The following UGT2A3 variants were observed in gnomAD, a reference collection of about 807,000 sequenced individuals.
UGT2A3 encodes the protein UDP-glucuronosyltransferase 2A3.
Under a neutral mutation model 44.1 loss-of-function variants are expected in UGT2A3, and 55 were observed. The ratio of observed to expected loss-of-function variants is 1.25; its 90% CI spans 1.00 to 1.56. UGT2A3 has a LOEUF of 1.56. Ranked by LOEUF, UGT2A3 falls within the 40% of genes most tolerant of loss-of-function variation. UGT2A3 has a pLI of 0.00. For synonymous variants in UGT2A3, 243 were observed against 215.1 expected (o/e 1.13, Z -1.13); for missense variants, 733 against 621.6 (o/e 1.18, Z -1.91).
chr4:68,949,931 T>A (rs1248387232), intron 1 of UGT2A3, among the ~76,000 whole-genome samples: 1 of 151,944 alleles, frequency 6.6e-6, no homozygotes, highest in East Asian at 1.9e-4. Flanking sequence ...GGGGAATTTC[T>A]GAATGCATGG....
intron 2 of UGT2A3, among the ~76,000 whole-genome samples, chr4:68,942,985 A>G (rs1389513203): frequency 6.6e-6 from 1 of 151,846 alleles, no homozygotes; most frequent in Non-Finnish European, 1.5e-5. Flanking sequence ...CACAACATTT[A>G]AATGTATTGT....
At chr4:68,934,518 C>T (rs946832510) in intron 2 of UGT2A3, among the ~76,000 whole-genome samples, 4 of 151,756 alleles carry the variant, frequency 2.6e-5, no homozygotes, top group African/African-American at 9.7e-5. Flanking sequence ...AGCAAGGTAA[C>T]TGAAAACATA....
At chr4:68,930,398 A>G (rs1717685011) in intron 5 of UGT2A3, 148 bp downstream of exon 5, 6 of 844,518 alleles carry the variant, frequency 7.1e-6, no homozygotes, top group Non-Finnish European at 1.1e-5. Context: ...TACAATTTCC[A>G]CAACTATTCC....
intron 2 of UGT2A3, among the ~76,000 whole-genome samples, chr4:68,935,582 G>A (rs1437121758): frequency 1.3e-5 from 2 of 151,912 alleles, no homozygotes; most frequent in Admixed American, 6.6e-5. Flanking sequence ...ACCAAAGGTA[G>A]ATAAAACCAC....
intron 2 of UGT2A3, among the ~76,000 whole-genome samples, chr4:68,941,709 C>T (rs1001978831): frequency 6.6e-6 from 1 of 151,724 alleles, no homozygotes; most frequent in Non-Finnish European, 1.5e-5. Context: ...CAATTCACAA[C>T]ATGAAAAATA....
chr4:68,935,449 C>A (rs1310649604), intron 2 of UGT2A3, among the ~76,000 whole-genome samples: 3 of 151,516 alleles, frequency 2.0e-5, no homozygotes, highest in Non-Finnish European at 4.4e-5. Flanking sequence ...CAAACTCCAA[C>A]AGACCTGAAG....
intron 2 of UGT2A3, among the ~76,000 whole-genome samples, chr4:68,944,870 T>C (rs928206686): frequency 2.6e-5 from 4 of 151,718 alleles, no homozygotes; most frequent in Non-Finnish European, 5.9e-5. Flanking sequence ...TTGTCTTCCT[T>C]CATCACTTAT....
At chr4:68,935,791 T>A (rs1039369627) in intron 2 of UGT2A3, among the ~76,000 whole-genome samples, 12 of 151,872 alleles carry the variant, frequency 7.9e-5, no homozygotes, top group Non-Finnish European at 1.6e-4. Context: ...TTCTAACCCA[T>A]CGCAAGGAAG....
chr4:68,933,357 A>G (rs1717811584), intron 2 of UGT2A3, among the ~76,000 whole-genome samples: 1 of 152,070 alleles, frequency 6.6e-6, no homozygotes, highest in Non-Finnish European at 1.5e-5. Flanking sequence ...GCAATTACAC[A>G]GGTGGAAGAA....
rs1284592485 is a variant in UGT2A3, at chr4:68,929,234, G to A, written c.*579C>T. 1 of 152,090 alleles carries A rather than the reference G, an allele frequency of 6.6e-6. No homozygotes were observed. The highest frequency in any genetic ancestry group is 1.9e-4 in the East Asian group (1 of 5,184). The allele number at this position is 152,090 out of a possible 1,614,324, so 9.4% of individuals were successfully genotyped here. ...GAGTGATGGCAGAAATGTAGGCCAT[G>A]ACATCTAGATGAGGTCTATGGAAAT... is the stretch of plus-strand genomic sequence containing the variant. On this transcript the variant is annotated 3_prime_UTR_variant, in exon 6 of 6. Transcript: ENST00000251566.
intron 2 of UGT2A3, among the ~76,000 whole-genome samples, chr4:68,938,440 A>C (rs928400041): frequency 6.6e-6 from 1 of 151,994 alleles, no homozygotes; most frequent in Non-Finnish European, 1.5e-5. Flanking sequence ...CACAAGCAGA[A>C]ACAACGAGGA....
intron 2 of UGT2A3, among the ~76,000 whole-genome samples, chr4:68,937,174 C>T (rs529749650): frequency 3.9e-5 from 6 of 152,126 alleles, no homozygotes; most frequent in South Asian, 2.1e-4. Context: ...AAGGTTAACA[C>T]GGATATCCAG....
intron 1 of UGT2A3, 145 bp downstream of exon 1, chr4:68,950,901 A>G: frequency 1.8e-6 from 1 of 568,964 alleles, no homozygotes; most frequent in Non-Finnish European, 2.9e-6. Context: ...CGCTTAGAAC[A>G]AATACACTTT....
intron 2 of UGT2A3, among the ~76,000 whole-genome samples, chr4:68,942,937 A>G (rs1197104546): frequency 5.9e-5 from 9 of 151,792 alleles, no homozygotes; most frequent in Admixed American, 1.3e-4. Context: ...AATGATAAAT[A>G]TTTAGATGAT....
chr4:68,943,020 A>G (rs1038730151), intron 2 of UGT2A3, among the ~76,000 whole-genome samples: 1 of 151,822 alleles, frequency 6.6e-6, no homozygotes. Context: ...TCTCTTAAAC[A>G]TGTGCAATTA....
Position 68,951,123 on chromosome 4 carries a change from A to G in UGT2A3, c.638T>C (p.Met213Thr). The change falls in exon 1 of 6, where the codon ATG becomes ACG. Residue 213 changes from methionine to threonine, a missense_variant. Physicochemically the swap from Met to Thr is moderately conservative, Grantham distance 81. Coordinates refer to ENST00000251566, the MANE Select transcript of UGT2A3 (RefSeq NM_024743.4). ...MTFLERVKNSMLSVLFHFWIQ... is the reference protein window; with the variant it reads ...MTFLERVKNSTLSVLFHFWIQ... ...CCAGAAGTGGAACAAAACTGAAAGC[A>G]TTGAATTTTTTACTCTTTCCAGAAA... 2 of 1,611,602 alleles carry G rather than the reference A, an allele frequency of 1.2e-6. No individual in the cohort carries two copies. The highest frequency in any genetic ancestry group is 1.7e-6 in the Non-Finnish European group (2 of 1,178,834).
chr4:68,947,983 C>A (rs564660154), intron 1 of UGT2A3, among the ~76,000 whole-genome samples: 127 of 151,882 alleles, frequency 8.4e-4, no homozygotes, highest in Non-Finnish European at 1.5e-3. Context: ...ATAATTATTA[C>A]AAAAAGTAAA....
chr4:68,946,749 A>G (rs1485174568), intron 1 of UGT2A3, among the ~76,000 whole-genome samples: 5 of 151,664 alleles, frequency 3.3e-5, no homozygotes, highest in Admixed American at 3.3e-4. Context: ...CCATACACAC[A>G]TATCTTGGAG....
At chr4:68,937,137 T>C (rs1212459587) in intron 2 of UGT2A3, among the ~76,000 whole-genome samples, 1 of 151,910 alleles carries the variant, frequency 6.6e-6, no homozygotes, top group African/African-American at 2.4e-5. Flanking sequence ...CACCCCACTG[T>C]TGTTATTAGA....
Sources: gnomAD v4.1 joint callset for allele counts (sites outside exome capture counted in the v4.1 genomes callset) on GRCh38, gnomAD v4.1.1 for gene constraint, MANE v1.5 for transcripts, NCBI Gene and HGNC (gene_info 2026-07-23, HGNC 2026-07-21) for gene names.